Variants in PCDH9 observed in about 807,000 individuals in gnomAD.
PCDH9 encodes the protein protocadherin 9.
In PCDH9, 24 loss-of-function variants were observed where a neutral mutation model predicts 70.6. That is an observed-to-expected ratio of 0.34 (90% CI 0.25 to 0.48). PCDH9 has a LOEUF of 0.48. Among genes scored for constraint, PCDH9 ranks in the 20% least tolerant of loss-of-function variants. The pLI is 0.99. For missense variants in PCDH9, 1,281 were observed against 1,503.6 expected, an observed-to-expected ratio of 0.85 and a Z score of 2.45; for synonymous variants, 562 against 558.5, an observed-to-expected ratio of 1.01 and a Z score of -0.09.
Position 66,423,350 on chromosome 13 carries a change from C to T in PCDH9, c.3341-118322G>A, listed in dbSNP as rs112946464. The stretch of plus-strand genomic sequence containing the variant: ...GGCCAGCATCATACTGATACCAAAA[C>T]CTGGCAGAGACACAGCAAAAAAAAA... On this transcript the variant is annotated intron_variant, in intron 4 of 4. Coordinates refer to ENST00000377865, the MANE Select transcript of PCDH9 (RefSeq NM_203487.3). Among the ~76,000 whole-genome samples, 1,323 of 150,208 alleles carry T rather than the reference C, an allele frequency of 8.8e-3. 17 individuals are homozygous for T. The highest frequency in any genetic ancestry group is 0.031 in the African/African-American group (1,259 of 41,104).
At chr13:67,177,346 C>T (rs2088490514) in intron 2 of PCDH9, among the ~76,000 whole-genome samples, 1 of 152,002 alleles carries the variant, frequency 6.6e-6, no homozygotes, top group Non-Finnish European at 1.5e-5. Flanking sequence ...CTCTTTGTTC[C>T]TTCTCCATTT....
At chr13:66,809,001 G>A (rs1247549995) in intron 3 of PCDH9, among the ~76,000 whole-genome samples, 1 of 152,198 alleles carries the variant, frequency 6.6e-6, no homozygotes, top group Admixed American at 6.5e-5. Flanking sequence ...ACGCTGGAGT[G>A]CGGTGGCGCT....
At chr13:67,125,514 A>G (rs566092320) in intron 2 of PCDH9, among the ~76,000 whole-genome samples, 1 of 152,286 alleles carries the variant, frequency 6.6e-6, no homozygotes, top group South Asian at 2.1e-4. Context: ...CAGAAAAATC[A>G]CAGCATAATT....
At chr13:66,418,834 G>A (rs1227850926) in intron 4 of PCDH9, among the ~76,000 whole-genome samples, 2 of 45,492 alleles carry the variant, frequency 4.4e-5, no homozygotes, top group African/African-American at 7.7e-5. Context: ...AAAATAGATA[G>A]ACCGCTAGCC....
intron 3 of PCDH9, among the ~76,000 whole-genome samples, chr13:66,681,548 T>C (rs962957584): frequency 6.6e-6 from 1 of 152,064 alleles, no homozygotes; most frequent in Non-Finnish European, 1.5e-5. Context: ...TCTCCCCACA[T>C]TCCCCTGGCC....
At chr13:66,996,762 C>T (rs538079999) in intron 2 of PCDH9, among the ~76,000 whole-genome samples, 15 of 152,256 alleles carry the variant, frequency 9.9e-5, no homozygotes, top group African/African-American at 3.6e-4. Context: ...TACTGTTTGG[C>T]TAGTAAGTGT....
intron 3 of PCDH9, among the ~76,000 whole-genome samples, chr13:66,802,398 T>C (rs1441999): frequency 0.84 from 128,307 of 152,066 alleles, 58,398 homozygotes; most frequent in Non-Finnish European, 1. Flanking sequence ...TGCATATTTT[T>C]TCATAAAAAT....
At chr13:66,949,153 C>G (rs184721261) in intron 2 of PCDH9, among the ~76,000 whole-genome samples, 5 of 152,150 alleles carry the variant, frequency 3.3e-5, no homozygotes, top group Middle Eastern at 6.8e-3. Context: ...GCATTCTTTT[C>G]TTTATATCTA....
chr13:66,682,439 A>G (rs1206247580), intron 3 of PCDH9, among the ~76,000 whole-genome samples: 1 of 151,942 alleles, frequency 6.6e-6, no homozygotes, highest in Non-Finnish European at 1.5e-5. Flanking sequence ...GAGAAGGAAG[A>G]GAGAGAGTGC....
intron 3 of PCDH9, among the ~76,000 whole-genome samples, chr13:66,653,917 G>T (rs1322699544): frequency 1.1e-4 from 16 of 150,354 alleles, no homozygotes; most frequent in Non-Finnish European, 2.1e-4. Context: ...GCAGTGAGCT[G>T]AGATCGTGCC....
At chr13:66,780,928 A>T (rs2079989063) in intron 3 of PCDH9, among the ~76,000 whole-genome samples, 1 of 152,160 alleles carries the variant, frequency 6.6e-6, no homozygotes, top group South Asian at 2.1e-4. Flanking sequence ...CAAAGCCTTA[A>T]CTGAAGTAAT....
intron 3 of PCDH9, among the ~76,000 whole-genome samples, chr13:66,652,873 A>C (rs529029790): frequency 9.2e-5 from 14 of 152,284 alleles, no homozygotes; most frequent in African/African-American, 2.4e-4. Context: ...TGACAAAGGT[A>C]TCAAGAACAT....
At chr13:66,939,518 C>T (rs1463536150) in intron 2 of PCDH9, among the ~76,000 whole-genome samples, 3 of 151,000 alleles carry the variant, frequency 2.0e-5, no homozygotes, top group African/African-American at 4.9e-5. Context: ...CTGCAATCTC[C>T]GTCCGCCTCC....
At chr13:66,858,591 ACT>A (rs1356266820) in intron 3 of PCDH9, among the ~76,000 whole-genome samples, 1 of 151,822 alleles carries the variant, frequency 6.6e-6, no homozygotes, top group Non-Finnish European at 1.5e-5. Flanking sequence ...TTTCCTGAAT[ACT>A]CTTTTATATT....
intron 3 of PCDH9, among the ~76,000 whole-genome samples, chr13:66,743,883 A>C (rs2079313997): frequency 6.6e-6 from 1 of 152,208 alleles, no homozygotes; most frequent in South Asian, 2.1e-4. Context: ...ATATAACTTA[A>C]AGATGTATTA....
chr13:66,756,651 T>C lies in PCDH9; in HGVS notation c.3139-125240A>G, dbSNP rs578220514. Among the ~76,000 whole-genome samples, 3 of 152,194 alleles carry C rather than the reference T, an allele frequency of 2.0e-5. No homozygotes were observed. The South Asian group carries it at 6.2e-4, about 32-fold the overall frequency. On this transcript the variant is annotated intron_variant, in intron 3 of 4. Coordinates refer to ENST00000377865, the MANE Select transcript of PCDH9 (RefSeq NM_203487.3). ...TAGCCCCATTTCTGAGCCTCATACT[T>C]TTTTCAAAAAACATGCTTGTGTCAT...
intron 3 of PCDH9, among the ~76,000 whole-genome samples, chr13:66,797,757 AT>A (rs577812806): frequency 0.016 from 2,446 of 152,170 alleles, 76 homozygotes; most frequent in African/African-American, 0.055. Context: ...CATATTGCTT[AT>A]TTTTTTAATA....
chr13:67,184,646 G>A (rs142924900), intron 2 of PCDH9, among the ~76,000 whole-genome samples: 34 of 152,218 alleles, frequency 2.2e-4, no homozygotes, highest in Non-Finnish European at 3.1e-4. Flanking sequence ...CAGGAGGATC[G>A]CTTGAACCCA....
At chr13:66,969,509 T>G (rs954508575) in intron 2 of PCDH9, among the ~76,000 whole-genome samples, 1 of 152,042 alleles carries the variant, frequency 6.6e-6, no homozygotes, top group Non-Finnish European at 1.5e-5. Flanking sequence ...TACAGTACTC[T>G]TGAATTTCAA....
Sources: gnomAD v4.1 joint callset for allele counts (sites outside exome capture counted in the v4.1 genomes callset) on GRCh38, gnomAD v4.1.1 for gene constraint, MANE v1.5 for transcripts, NCBI Gene and HGNC (gene_info 2026-07-23, HGNC 2026-07-21) for gene names.